Variants in TMOD3 observed in about 807,000 individuals in gnomAD.
TMOD3 encodes tropomodulin-3.
Under a neutral mutation model 39.2 loss-of-function variants are expected in TMOD3, and 20 were observed. The observed-to-expected ratio is 0.51, with a 90% CI of 0.36 to 0.74. The LOEUF is 0.74. Ranked by LOEUF, TMOD3 falls within the 30% of genes least tolerant of loss-of-function variation. The pLI, the probability that TMOD3 is intolerant of heterozygous loss-of-function variation, is 0.00. For missense variants in TMOD3, 381 were observed against 412.8 expected, an observed-to-expected ratio of 0.92 and a Z score of 0.67; for synonymous variants, 143 against 145.8, an observed-to-expected ratio of 0.98 and a Z score of 0.14.
At chr15:51,907,881 G>A (rs1398970659) in intron 9 of TMOD3, among the ~76,000 whole-genome samples, 10 of 152,176 alleles carry the variant, frequency 6.6e-5, no homozygotes, top group Non-Finnish European at 8.8e-5. Context: ...ATACATACAT[G>A]TACCGTTCTT....
chr15:51,894,033 TCTTTCTA>T, intron 6 of TMOD3, 88 bp downstream of exon 6: 1 of 1,223,836 alleles, frequency 8.2e-7, no homozygotes, highest in South Asian at 2.5e-5. Context: ...ATAGTCTAAT[TCTTTCTA>T]CTTTAACGTA....
chr15:51,878,584 G>A (rs2056517480), intron 3 of TMOD3, among the ~76,000 whole-genome samples: 1 of 152,008 alleles, frequency 6.6e-6, no homozygotes, highest in Admixed American at 6.6e-5. Context: ...TTTTCCTTAT[G>A]GTGTCTTTCT....
At chr15:51,847,859 T>C (rs2056343421) in intron 1 of TMOD3, among the ~76,000 whole-genome samples, 1 of 152,240 alleles carries the variant, frequency 6.6e-6, no homozygotes, top group East Asian at 1.9e-4. Flanking sequence ...TGGTGGGTAT[T>C]GCTACGGTTT....
chr15:51,861,189 T>A, intron 1 of TMOD3: 1 of 474,444 alleles, frequency 2.1e-6, no homozygotes, highest in Non-Finnish European at 4.1e-6. Context: ...AGAAGCCTTC[T>A]TAATGATAGC....
intron 6 of TMOD3, among the ~76,000 whole-genome samples, chr15:51,894,247 C>CT (rs2056609975): frequency 6.6e-6 from 1 of 152,050 alleles, no homozygotes; most frequent in Non-Finnish European, 1.5e-5. Context: ...TTGGGTCTTG[C>CT]TTTTTTAAAA....
intron 2 of TMOD3, among the ~76,000 whole-genome samples, chr15:51,864,145 G>A (rs1325694953): frequency 6.6e-6 from 1 of 151,510 alleles, no homozygotes; most frequent in Non-Finnish European, 1.5e-5. Flanking sequence ...CACGCATGTA[G>A]CCCCAGGCTA....
At chr15:51,880,704 C>T (rs2056528486) in intron 3 of TMOD3, among the ~76,000 whole-genome samples, 1 of 151,976 alleles carries the variant, frequency 6.6e-6, no homozygotes, top group Non-Finnish European at 1.5e-5. Flanking sequence ...TTGTGGATAC[C>T]ACGTTTTGTT....
Position 51,869,262 on chromosome 15 carries a change from A to C in TMOD3, c.172A>C (p.Lys58Gln). Residue 58 changes from lysine to glutamine, a missense_variant, in exon 3 of 10, where the codon AAG (lysine) becomes CAG (glutamine). Physicochemically the swap from Lys to Gln is moderately conservative, Grantham distance 53 (BLOSUM62 1). Coordinates refer to ENST00000308580, the MANE Select transcript of TMOD3 (RefSeq NM_014547.5). ...AGFRQKNQTS[K>Q]STTGPFDREH... ...GTTCCGGCAGAAGAACCAGACATCA[A>C]AGTCCACCACAGGGCCATTTGATAG... is the stretch of plus-strand genomic sequence containing the variant. The C allele has an allele frequency of 6.2e-7, 1 of 1,614,136 alleles. No homozygotes were observed. Among genetic ancestry groups the C allele is most frequent in the Non-Finnish European group, 8.5e-7 (1 of 1,180,010 alleles).
At chr15:51,881,194 C>T (rs565663787) in intron 3 of TMOD3, among the ~76,000 whole-genome samples, 2 of 152,154 alleles carry the variant, frequency 1.3e-5, no homozygotes, top group East Asian at 1.9e-4. Context: ...GTCAACCGAC[C>T]GAGTAGCTGA....
chr15:51,865,665 CTGTT>C (rs775244608), intron 2 of TMOD3, among the ~76,000 whole-genome samples: 12 of 152,242 alleles, frequency 7.9e-5, no homozygotes, highest in Middle Eastern at 6.8e-3. Flanking sequence ...TTGACAGCAT[CTGTT>C]TGTTGGGTGA....
chr15:51,875,912 C>T (rs1418872737), intron 3 of TMOD3, among the ~76,000 whole-genome samples: 1 of 152,110 alleles, frequency 6.6e-6, no homozygotes, highest in Non-Finnish European at 1.5e-5. Flanking sequence ...GCCACCGTGC[C>T]CGGCCTAAAG....
chr15:51,896,073 A>G (rs535159521), intron 6 of TMOD3, among the ~76,000 whole-genome samples: 1 of 152,300 alleles, frequency 6.6e-6, no homozygotes, highest in Non-Finnish European at 1.5e-5. Flanking sequence ...GCGCCGTTGC[A>G]CTCCAACCTG....
At chr15:51,843,214 T>C (rs2056320801) in intron 1 of TMOD3, among the ~76,000 whole-genome samples, 1 of 151,940 alleles carries the variant, frequency 6.6e-6, no homozygotes, top group Non-Finnish European at 1.5e-5. Flanking sequence ...GTGGATAAGA[T>C]AGAGAGGTGA....
Position 51,887,604 on chromosome 15 carries a change from C to G in TMOD3, c.299C>G (p.Pro100Arg). 6.2e-7 allele frequency: 1 copy of G among 1,611,396 alleles called. No individual in the cohort carries two copies. Among genetic ancestry groups the G allele is most frequent in the South Asian group, 1.1e-5 (1 of 90,226 alleles). Reference sequence around the variant, plus strand: ...TATTTTACAGGGAAAATATTTATCCCCAAACAGAAACCTGTACAGACTTTT... The same window carrying G: ...TATTTTACAGGGAAAATATTTATCCGCAAACAGAAACCTGTACAGACTTTT... ...TGEKKGKIFI[P>R]KQKPVQTFTE... is the part of the protein sequence containing the mutation. The change falls in exon 4 of 10, where the codon CCC (proline) becomes CGC (arginine). Residue 100 changes from proline to arginine, a missense_variant. Pro to Arg is a moderately radical substitution (Grantham distance 103, BLOSUM62 -2). Coordinates refer to ENST00000308580, the MANE Select transcript of TMOD3 (RefSeq NM_014547.5).
At chr15:51,853,306 A>G (rs964092765) in intron 1 of TMOD3, among the ~76,000 whole-genome samples, 4 of 152,132 alleles carry the variant, frequency 2.6e-5, no homozygotes, top group African/African-American at 7.2e-5. Context: ...GGTTCAAGTG[A>G]TCCTCCCACC....
At chr15:51,891,302 A>G (rs2056592291) in intron 5 of TMOD3, among the ~76,000 whole-genome samples, 1 of 135,222 alleles carries the variant, frequency 7.4e-6, no homozygotes, top group African/African-American at 2.9e-5. Context: ...TATTTTTCGT[A>G]GAATTTTCCA....
chr15:51,834,233 T>C (rs1178061675), intron 1 of TMOD3, among the ~76,000 whole-genome samples: 2 of 152,170 alleles, frequency 1.3e-5, no homozygotes, highest in African/African-American at 4.8e-5. Flanking sequence ...ATACAGTCTG[T>C]CCCTTGTCTA....
At chr15:51,839,426 C>T (rs2056302875) in intron 1 of TMOD3, among the ~76,000 whole-genome samples, 1 of 152,098 alleles carries the variant, frequency 6.6e-6, no homozygotes. Context: ...CTGCCTTGGC[C>T]TCCCAAATTG....
rs115620017 is a variant in TMOD3, at chr15:51,875,594, A to G, written c.283+6221A>G. On this transcript the variant is annotated intron_variant, in intron 3 of 9. Coordinates refer to ENST00000308580, the MANE Select transcript of TMOD3 (RefSeq NM_014547.5). ...TCCAGCATTTCTCCATATGATTTACATACCGTAAAGTACTGCCTTTTTTTT... is the reference window on the plus strand; with the variant it reads ...TCCAGCATTTCTCCATATGATTTACGTACCGTAAAGTACTGCCTTTTTTTT... 3.9e-3 allele frequency among the ~76,000 whole-genome samples: 575 copies of G among 147,710 alleles called. 6 individuals are homozygous for G. Among genetic ancestry groups the G allele is most frequent in the African/African-American group, 0.014 (556 of 40,186 alleles).
Sources: allele counts gnomAD v4.1 joint callset (sites outside exome capture counted in the v4.1 genomes callset), GRCh38; gene constraint gnomAD v4.1.1; transcripts MANE v1.5; gene names NCBI Gene and HGNC (gene_info 2026-07-23, HGNC 2026-07-21).